IP6K1: variants seen among roughly 807,000 people sequenced by gnomAD.
The protein encoded by IP6K1 is inositol hexakisphosphate kinase 1.
A neutral mutation model predicts 38.3 loss-of-function variants in IP6K1; 13 were observed. The observed-to-expected ratio is 0.34, with a 90% confidence interval of 0.22 to 0.54. IP6K1 has a LOEUF of 0.54. IP6K1 is among the 20% of genes least tolerant of loss of function. The probability of loss-of-function intolerance (pLI) is 0.92; values close to 1 mark genes in which losing one functional copy is unlikely to be tolerated. For missense variants in IP6K1, 397 were observed against 599.8 expected (o/e 0.66, Z 3.53); for synonymous variants, 212 against 229.9 (o/e 0.92, Z 0.70).
rs143114448 is a variant in IP6K1 at position 49,734,959 on chromosome 3, G to A, written c.435-1987C>T. On this transcript the variant is annotated intron_variant, in intron 3 of 5. Transcript: ENST00000321599. ...ACCTTCAGGGCAGGACCTTGAACCT[G>A]GACACAGGCGGACAGTGATGTTATT... is the stretch of plus-strand genomic sequence containing the variant. Among the ~76,000 whole-genome samples, 388 of 152,246 alleles carry A rather than the reference G, an allele frequency of 2.5e-3. 6 individuals carry two copies. Among genetic ancestry groups the A allele is most frequent in the African/African-American group, 8.9e-3 (368 of 41,540 alleles).
intron 1 of IP6K1, among the ~76,000 whole-genome samples, chr3:49,752,790 G>A (rs543291555): frequency 8.4e-5 from 12 of 142,102 alleles, no homozygotes; most frequent in Admixed American, 2.2e-4. Context: ...GTCTCACTTC[G>A]TCACCCAGGC....
chr3:49,747,312 TAA>T (rs1350698642), intron 2 of IP6K1, among the ~76,000 whole-genome samples: 1 of 152,234 alleles, frequency 6.6e-6, no homozygotes, highest in Non-Finnish European at 1.5e-5. Context: ...TTCTTTTCTA[TAA>T]AGTTGACTTA....
intron 1 of IP6K1, among the ~76,000 whole-genome samples, chr3:49,784,009 A>AT (rs1553697977): frequency 1.3e-5 from 2 of 151,614 alleles, no homozygotes; most frequent in Non-Finnish European, 2.9e-5. Context: ...TATTTTATTT[A>AT]TTATTTATTT....
chr3:49,775,411 T>A (rs2080998470), intron 1 of IP6K1: 1 of 403,952 alleles, frequency 2.5e-6, no homozygotes, highest in Non-Finnish European at 4.7e-6. Flanking sequence ...CACTCTGGTG[T>A]GCTATGTGAT....
intron 2 of IP6K1, among the ~76,000 whole-genome samples, chr3:49,741,894 A>C (rs1559705047): frequency 6.6e-6 from 1 of 152,152 alleles, no homozygotes; most frequent in Non-Finnish European, 1.5e-5. Context: ...CCTCCCAGGG[A>C]AGGGTTGGCA....
intron 1 of IP6K1, among the ~76,000 whole-genome samples, chr3:49,780,301 A>ATCTT (rs1246641158): frequency 1.1e-4 from 1 of 9,204 alleles, no homozygotes; most frequent in Non-Finnish European, 2.1e-4. Flanking sequence ...AATCTTTATC[A>ATCTT]TCTTTCATAC....
intron 1 of IP6K1, among the ~76,000 whole-genome samples, chr3:49,754,943 G>A (rs1458942353): frequency 6.6e-5 from 9 of 136,420 alleles, no homozygotes; most frequent in Non-Finnish European, 9.4e-5. Flanking sequence ...TTTTTTTTGA[G>A]ACAGGGTCTC....
chr3:49,735,313 G>A (rs2080599483), intron 3 of IP6K1, among the ~76,000 whole-genome samples: 1 of 152,180 alleles, frequency 6.6e-6, no homozygotes, highest in African/African-American at 2.4e-5. Flanking sequence ...GTGAGTCACT[G>A]ATGGTGCCAC....
intron 3 of IP6K1, 40 bp from the exon 4 acceptor site, chr3:49,733,012 C>T (rs529303328): frequency 2.6e-6 from 4 of 1,526,346 alleles, no homozygotes; most frequent in Admixed American, 1.7e-5. Flanking sequence ...GAAACTCAGG[C>T]AAGTCATCCT....
At chr3:49,773,325 T>C (rs1396623366) in intron 1 of IP6K1, among the ~76,000 whole-genome samples, 1 of 152,110 alleles carries the variant, frequency 6.6e-6, no homozygotes, top group Non-Finnish European at 1.5e-5. Context: ...GATAGCCACA[T>C]ACTGGCCGGG....
At chr3:49,780,513 T>C (rs1221862220) in intron 1 of IP6K1, among the ~76,000 whole-genome samples, 2 of 152,120 alleles carry the variant, frequency 1.3e-5, no homozygotes, top group Non-Finnish European at 2.9e-5. Flanking sequence ...TGTGCGTCTT[T>C]CCCCAGCTCT....
intron 1 of IP6K1, among the ~76,000 whole-genome samples, chr3:49,760,888 C>T (rs769293268): frequency 1.3e-5 from 2 of 152,170 alleles, no homozygotes; most frequent in African/African-American, 2.4e-5. Context: ...CCTATTTTCC[C>T]TGTCAACAGA....
chr3:49,765,810 G>A (rs776884674), intron 1 of IP6K1, among the ~76,000 whole-genome samples: 12 of 151,610 alleles, frequency 7.9e-5, no homozygotes, highest in Non-Finnish European at 1.5e-4. Context: ...TGGAAGGCTA[G>A]GGCAGGTGGG....
rs779478732 is a variant in IP6K1 at position 49,747,881 on chromosome 3, G to A, written c.160C>T (p.Arg54Trp). 1.9e-6 allele frequency: 3 copies of A among 1,614,148 alleles called. No individual in the cohort carries two copies. Among genetic ancestry groups the A allele is most frequent in the Non-Finnish European group, 2.5e-6 (3 of 1,180,028 alleles). ...AGGGACTCGTAAAAGCGCTGTTCCC[G>A]GGAGATGAGGGGCTTGCACACAGTG... ...DHTVCKPLIS[R>W]EQRFYESLPP... Residue 54 changes from arginine (R) to tryptophan (W), a missense_variant, in exon 2 of 6, where the codon CGG becomes TGG. By Grantham distance (101) the Arg-to-Trp change is moderately radical (BLOSUM62 -3). Around this residue, in one of 3 missense-constraint regions of IP6K1, gnomAD observed 171 missense variants for 237.0 expected, o/e 0.72. Coordinates refer to ENST00000321599, the MANE Select transcript of IP6K1 (RefSeq NM_153273.4).
intron 1 of IP6K1, among the ~76,000 whole-genome samples, chr3:49,749,369 T>C (rs778688228): frequency 6.6e-6 from 1 of 152,232 alleles, no homozygotes; most frequent in Non-Finnish European, 1.5e-5. Flanking sequence ...ACTCCCTCTT[T>C]ATAATGTCAA....
chr3:49,753,679 T>C (rs1439437609), intron 1 of IP6K1, among the ~76,000 whole-genome samples: 1 of 152,236 alleles, frequency 6.6e-6, no homozygotes, highest in Non-Finnish European at 1.5e-5. Context: ...AAAAAGTGTT[T>C]ATAAAGGGAC....
At chr3:49,782,921 C>G (rs2108267127) in intron 1 of IP6K1, among the ~76,000 whole-genome samples, 1 of 142,692 alleles carries the variant, frequency 7.0e-6, no homozygotes, top group Non-Finnish European at 1.5e-5. Context: ...ACCAGCCTGG[C>G]CAACATGGCA....
intron 1 of IP6K1, among the ~76,000 whole-genome samples, chr3:49,781,620 T>C (rs1172698668): frequency 6.6e-6 from 1 of 152,154 alleles, no homozygotes; most frequent in African/African-American, 2.4e-5. Flanking sequence ...ATGGAATGTT[T>C]AGCAAACCAT....
At chr3:49,740,365 C>T (rs1001867646) in intron 2 of IP6K1, among the ~76,000 whole-genome samples, 2 of 151,778 alleles carry the variant, frequency 1.3e-5, no homozygotes, top group Non-Finnish European at 2.9e-5. Flanking sequence ...CCACCATGCC[C>T]AGCCATTTAA....
Sources: gnomAD v4.1 joint callset for allele counts (sites outside exome capture counted in the v4.1 genomes callset) on GRCh38, gnomAD v4.1.1 for gene constraint, gnomAD v4.1.1 regional missense constraint, MANE v1.5 for transcripts, NCBI Gene and HGNC (gene_info 2026-07-23, HGNC 2026-07-21) for gene names.